The following NTRK3 variants were observed in gnomAD, a reference collection of about 807,000 sequenced individuals.
NTRK3 encodes NT-3 growth factor receptor.
In NTRK3, 24 loss-of-function variants were observed where a neutral mutation model predicts 91.7. That is an observed-to-expected ratio of 0.26 (90% CI 0.19 to 0.37). The LOEUF (loss-of-function observed/expected upper bound fraction) is 0.37, where lower values mean the gene tolerates loss of function less well. Among genes scored for constraint, NTRK3 ranks in the 10% least tolerant of loss-of-function variants. The pLI, the probability that NTRK3 is intolerant of heterozygous loss-of-function variation, is 1.00. For missense variants in NTRK3, 880 were observed against 1,068.9 expected (o/e 0.82, Z 2.46); for synonymous variants, 483 against 404.0 (o/e 1.20, Z -2.34).
intron 13 of NTRK3, among the ~76,000 whole-genome samples, chr15:88,070,326 C>T (rs1022553056): frequency 4.6e-5 from 7 of 152,064 alleles, no homozygotes; most frequent in African/African-American, 1.7e-4. Context: ...TCCCTTCAAG[C>T]TCCTGCCTTG....
At chr15:87,979,668 G>C (rs2074034096) in intron 14 of NTRK3, among the ~76,000 whole-genome samples, 2 of 152,112 alleles carry the variant, frequency 1.3e-5, no homozygotes, top group Non-Finnish European at 2.9e-5. Flanking sequence ...TTTTGCTGCA[G>C]CCTCCACTGA....
chr15:87,912,931 A>AAAAAATATATAT (rs1484111389), intron 17 of NTRK3, among the ~76,000 whole-genome samples: 3 of 36,494 alleles, frequency 8.2e-5, no homozygotes, highest in East Asian at 7.9e-4. Flanking sequence ...AGTAAAAAAA[A>AAAAAATATATAT]ATATATATAT....
chr15:88,208,455 A>G (rs2048971972), intron 3 of NTRK3, among the ~76,000 whole-genome samples: 1 of 152,196 alleles, frequency 6.6e-6, no homozygotes, highest in Non-Finnish European at 1.5e-5. Flanking sequence ...GTCTCAGGCT[A>G]TAAAGTGCAT....
intron 13 of NTRK3, among the ~76,000 whole-genome samples, chr15:88,083,084 G>C (rs950214192): frequency 2.0e-5 from 3 of 152,190 alleles, no homozygotes; most frequent in African/African-American, 7.2e-5. Flanking sequence ...CCTACCAGGA[G>C]ACTAAAAGAC....
chr15:87,979,599 G>A, intron 14 of NTRK3: 1 of 670,542 alleles, frequency 1.5e-6, no homozygotes, highest in Non-Finnish European at 2.6e-6. Flanking sequence ...AAAAGGGAAG[G>A]ATAGGAGGAG....
chr15:88,104,040 C>A (rs1392325185), intron 13 of NTRK3, among the ~76,000 whole-genome samples: 2 of 152,192 alleles, frequency 1.3e-5, no homozygotes, highest in African/African-American at 2.4e-5. Flanking sequence ...TCCTCTTCCC[C>A]CAAATAGCCA....
At chr15:88,109,762 G>A (rs1313439786) in intron 13 of NTRK3, among the ~76,000 whole-genome samples, 2 of 152,224 alleles carry the variant, frequency 1.3e-5, no homozygotes, top group South Asian at 2.1e-4. Context: ...CACTGGCTGG[G>A]GGAGTAGCCT....
intron 5 of NTRK3, among the ~76,000 whole-genome samples, chr15:88,167,602 G>T (rs965739284): frequency 2.4e-4 from 36 of 152,156 alleles, no homozygotes; most frequent in African/African-American, 7.5e-4. Flanking sequence ...AAGCACTATA[G>T]CCACAATGGT....
At chr15:88,231,592 G>T (rs895929779) in intron 3 of NTRK3, among the ~76,000 whole-genome samples, 16 of 152,154 alleles carry the variant, frequency 1.1e-4, no homozygotes, top group Admixed American at 9.8e-4. Flanking sequence ...TCAAAGGCTG[G>T]TGTTTCTGCC....
chr15:88,143,805 G>C (rs918952778), intron 6 of NTRK3: 2 of 152,146 alleles, frequency 1.3e-5, no homozygotes, highest in Non-Finnish European at 2.9e-5. Flanking sequence ...ACCCATCCCC[G>C]CTACTGAGTT....
exon 6 of NTRK3, chr15:88,147,384 G>A: frequency 6.2e-7 from 1 of 1,613,876 alleles, no homozygotes; most frequent in South Asian, 1.1e-5. Context: ...AGTGTGGTGA[G>A]CCGGTTACTT....
Position 88,126,214 on chromosome 15 carries a change from T to C in NTRK3, c.1396+57A>G, listed in dbSNP as rs112289532. 345 of 1,276,626 alleles carry C rather than the reference T, an allele frequency of 2.7e-4. 3 individuals are homozygous for C. The African/African-American group carries it at 3.7e-3, about 14-fold the overall frequency. The allele number at this position is 1,276,626 out of a possible 1,614,324, so 79.1% of individuals were successfully genotyped here. On this transcript the variant is annotated intron_variant, in intron 13 of 18. Coordinates refer to ENST00000394480, the Ensembl canonical transcript of NTRK3. ...GGGAGATTAAAACAGTATCTTTTGA[T>C]CAAAAGCAGTAATGTTTCCCCCCAT...
rs1044125562 is a variant in NTRK3, at chr15:87,947,008, A to G, written c.1586-6255T>C. ...GCAATTCTGCCTCAGACTCCCGAGTATCTGGGATTTCAGGTGCGTGCCACC... is the reference window on the plus strand; with the variant it reads ...GCAATTCTGCCTCAGACTCCCGAGTGTCTGGGATTTCAGGTGCGTGCCACC... On this transcript the variant is annotated intron_variant, in intron 14 of 18. Transcript: ENST00000394480. 2.0e-5 allele frequency among the ~76,000 whole-genome samples: 3 copies of G among 150,514 alleles called. No homozygotes were observed. In the Admixed American group the frequency reaches 2.0e-4, roughly 10 times the overall value.
At chr15:88,019,811 A>C (rs1188223594) in intron 14 of NTRK3, among the ~76,000 whole-genome samples, 1 of 152,230 alleles carries the variant, frequency 6.6e-6, no homozygotes, top group Non-Finnish European at 1.5e-5. Context: ...ATCCTTCCCT[A>C]GCTGTTTAGC....
intron 13 of NTRK3, among the ~76,000 whole-genome samples, chr15:88,065,561 G>A (rs751212587): frequency 1.3e-5 from 2 of 152,078 alleles, no homozygotes; most frequent in African/African-American, 2.4e-5. Context: ...AATATTGCTG[G>A]AGAAGAACCT....
At chr15:88,041,202 C>T (rs1253421919) in intron 13 of NTRK3, among the ~76,000 whole-genome samples, 1 of 152,170 alleles carries the variant, frequency 6.6e-6, no homozygotes, top group Non-Finnish European at 1.5e-5. Context: ...TTGGACCAGC[C>T]CACATAAAAT....
intron 3 of NTRK3, among the ~76,000 whole-genome samples, chr15:88,248,461 C>A (rs1426084573): frequency 6.6e-6 from 1 of 152,176 alleles, no homozygotes; most frequent in Non-Finnish European, 1.5e-5. Flanking sequence ...CTAAATGATT[C>A]TCCTAGACTT....
At chr15:88,010,540 C>A (rs1184773739) in intron 14 of NTRK3, among the ~76,000 whole-genome samples, 1 of 150,470 alleles carries the variant, frequency 6.6e-6, no homozygotes. Context: ...TGAAACTATG[C>A]TTTTTTTTTG....
chr15:87,940,588 C>G (rs1409261603), intron 15 of NTRK3, 35 bp downstream of exon 15: 1 of 1,612,844 alleles, frequency 6.2e-7, no homozygotes, highest in Admixed American at 1.7e-5. Context: ...CTCAGCCAGC[C>G]CTCCTCCTGG....
Sources: gnomAD v4.1 joint callset for allele counts (sites outside exome capture counted in the v4.1 genomes callset) on GRCh38, gnomAD v4.1.1 for gene constraint, MANE v1.5 for transcripts, NCBI Gene and HGNC (gene_info 2026-07-23, HGNC 2026-07-21) for gene names.